The following KLHL5 variants were observed in gnomAD, a reference collection of about 807,000 sequenced individuals.
KLHL5 encodes the protein kelch-like protein 5.
A neutral mutation model predicts 77.7 loss-of-function variants in KLHL5; 48 were observed. That is an observed-to-expected ratio of 0.62 (90% CI 0.49 to 0.79). The LOEUF (loss-of-function observed/expected upper bound fraction) is 0.79, where lower values mean the gene tolerates loss of function less well. Among genes scored for constraint, KLHL5 ranks in the 30% least tolerant of loss-of-function variants. The pLI, the probability that KLHL5 is intolerant of heterozygous loss-of-function variation, is 0.00. For synonymous variants in KLHL5, 260 were observed against 297.0 expected (o/e 0.88, Z 1.28); for missense variants, 723 against 859.7 (o/e 0.84, Z 1.99).
At chr4:39,115,558 A>T in intron 10 of KLHL5, 1 of 1,452,784 alleles carries the variant, frequency 6.9e-7, no homozygotes, top group Non-Finnish European at 9.0e-7. Context: ...ATTATTAATT[A>T]TCTGCTACCA....
chr4:39,057,212 T>G (rs778142097), intron 1 of KLHL5, among the ~76,000 whole-genome samples: 1 of 152,186 alleles, frequency 6.6e-6, no homozygotes, highest in Non-Finnish European at 1.5e-5. Context: ...AAATTTAAAG[T>G]CAGAAATTAT....
At chr4:39,047,548 A>T (rs1351677693) in intron 1 of KLHL5, among the ~76,000 whole-genome samples, 1 of 152,270 alleles carries the variant, frequency 6.6e-6, no homozygotes, top group East Asian at 1.9e-4. Flanking sequence ...CAAAGTGAAG[A>T]TAATCTAAAA....
intron 1 of KLHL5, among the ~76,000 whole-genome samples, chr4:39,073,385 CTCAAACATTCAACTAATT>C (rs1160513408): frequency 1.4e-5 from 1 of 70,312 alleles, no homozygotes. Flanking sequence ...CAGTTCATCA[CTCAAACATTCAACTAATT>C]TATTTGTTTA....
Position 39,121,237 on chromosome 4 carries a change from A to G in KLHL5, c.*171A>G. 1 of 613,868 alleles carries G rather than the reference A, an allele frequency of 1.6e-6. No individual in the cohort carries two copies. The allele number at this position is 613,868 out of a possible 1,614,324, so 38.0% of individuals were successfully genotyped here. A position where few individuals can be genotyped will look rare whatever the true frequency, so the allele number is the denominator to read the frequency against. ...CAAGGGAGGAAGCAGTGGATGGACC[A>G]GGATTAATTCCTTTCATTTCTTAGT... On this transcript the variant is annotated 3_prime_UTR_variant, in exon 11 of 11. Transcript: ENST00000504108.
At chr4:39,061,480 G>A (rs1227069959), upstream of KLHL5, among the ~76,000 whole-genome samples, 1 of 152,042 alleles carries the variant, frequency 6.6e-6, no homozygotes, top group East Asian at 1.9e-4. Context: ...TAATTATTTT[G>A]GGGGTTAGGA....
At chr4:39,139,645 G>A in the KLHL5 span, among the ~76,000 whole-genome samples, 3 of 152,130 alleles carry the variant, frequency 2.0e-5, no homozygotes, top group Non-Finnish European at 4.4e-5. Flanking sequence ...TAAGGCAGGG[G>A]ATATATGTGA....
At chr4:39,120,859 G>A in intron 10 of KLHL5, 151 bp from the exon 11 acceptor site, 1 of 594,070 alleles carries the variant, frequency 1.7e-6, no homozygotes, top group Non-Finnish European at 3.0e-6. Flanking sequence ...CTTGGGAAGG[G>A]GACCAGGCCA....
the KLHL5 span, among the ~76,000 whole-genome samples, chr4:39,133,632 C>A: frequency 6.6e-6 from 1 of 150,486 alleles, no homozygotes; most frequent in East Asian, 1.9e-4. Flanking sequence ...GCAAAGTTCC[C>A]AAACAAATAC....
At chr4:39,077,461 CA>C (rs112918932) in intron 2 of KLHL5, among the ~76,000 whole-genome samples, 8 of 143,380 alleles carry the variant, frequency 5.6e-5, no homozygotes, top group African/African-American at 1.0e-4. Context: ...GACTCCGTCT[CA>C]AAAAAAAAAG....
At chr4:39,080,968 C>A in intron 2 of KLHL5, 135 bp from the exon 3 acceptor site, 2 of 785,040 alleles carry the variant, frequency 2.5e-6, no homozygotes, top group Non-Finnish European at 3.8e-6. Context: ...GAGCATAAAG[C>A]AATTTGTCAA....
intron 1 of KLHL5, 67 bp downstream of exon 1, chr4:39,063,102 T>C: frequency 9.2e-7 from 1 of 1,087,706 alleles, no homozygotes; most frequent in Non-Finnish European, 1.3e-6. Context: ...TTTAAATAAT[T>C]TAGTATTTAT....
chr4:39,096,941 T>C, intron 6 of KLHL5, 63 bp downstream of exon 6: 1 of 1,343,150 alleles, frequency 7.4e-7, no homozygotes, highest in East Asian at 2.3e-5. Flanking sequence ...AATAAGTGTA[T>C]ATATGGCCAA....
At chr4:39,130,768 G>T (rs531598404), downstream of KLHL5, among the ~76,000 whole-genome samples, 1 of 151,934 alleles carries the variant, frequency 6.6e-6, no homozygotes, top group East Asian at 1.9e-4. Flanking sequence ...GTTATTCCAC[G>T]AGCAAACTTT....
chr4:39,094,751 G>C (rs1461740606), intron 5 of KLHL5, among the ~76,000 whole-genome samples: 1 of 151,912 alleles, frequency 6.6e-6, no homozygotes, highest in East Asian at 1.9e-4. Flanking sequence ...CAATTCAGCT[G>C]GAAATGGAGG....
At chr4:39,104,409 A>G (rs988683227) in intron 7 of KLHL5, among the ~76,000 whole-genome samples, 2 of 152,198 alleles carry the variant, frequency 1.3e-5, no homozygotes, top group African/African-American at 4.8e-5. Context: ...ATTTGGGTTG[A>G]CCATAAAATC....
At chr4:39,093,762 T>C (rs1720806910) in intron 5 of KLHL5, among the ~76,000 whole-genome samples, 1 of 151,880 alleles carries the variant, frequency 6.6e-6, no homozygotes, top group Non-Finnish European at 1.5e-5. Flanking sequence ...AAAAATTAGC[T>C]GGATGTGGTG....
At chr4:39,091,133 C>T (rs916609616) in intron 5 of KLHL5, among the ~76,000 whole-genome samples, 6 of 151,894 alleles carry the variant, frequency 4.0e-5, no homozygotes, top group South Asian at 2.1e-4. Flanking sequence ...GGATTACAGG[C>T]GCATGCCACT....
chr4:39,075,931 A>T, intron 1 of KLHL5, 34 bp from the exon 2 acceptor site: 1 of 1,554,436 alleles, frequency 6.4e-7, no homozygotes, highest in Admixed American at 1.9e-5. Context: ...TGTGATAGTG[A>T]TATTTCAAAA....
upstream of KLHL5, among the ~76,000 whole-genome samples, chr4:39,059,592 A>T (rs1435284378): frequency 1.3e-5 from 2 of 152,110 alleles, no homozygotes; most frequent in African/African-American, 2.4e-5. Context: ...ACTAAAAAAA[A>T]CAAAAATTAG....
Sources: allele counts gnomAD v4.1 joint callset (sites outside exome capture counted in the v4.1 genomes callset), GRCh38; gene constraint gnomAD v4.1.1; transcripts MANE v1.5; gene names NCBI Gene and HGNC (gene_info 2026-07-23, HGNC 2026-07-21).